Variants in TMEM217 observed in about 807,000 individuals in gnomAD.
TMEM217 encodes transmembrane protein 217.
For missense variants in TMEM217, 204 were observed against 248.8 expected (o/e 0.82, Z 1.21); for synonymous variants, 76 against 88.3 (o/e 0.86, Z 0.78).
At chr6:37,225,196 A>C (rs923646458) in intron 1 of TMEM217, among the ~76,000 whole-genome samples, 19 of 152,114 alleles carry the variant, frequency 1.2e-4, no homozygotes, top group African/African-American at 4.3e-4. Flanking sequence ...CGAGACTCTG[A>C]CTAAAAAAAA....
At chr6:37,247,952 G>T (rs568539854) in intron 1 of TMEM217, among the ~76,000 whole-genome samples, 2 of 152,302 alleles carry the variant, frequency 1.3e-5, no homozygotes, top group East Asian at 3.9e-4. Context: ...GAGGATGAGG[G>T]ATGTGGGTGA....
At chr6:37,249,064 C>A (rs181074899) in intron 1 of TMEM217, among the ~76,000 whole-genome samples, 2 of 152,168 alleles carry the variant, frequency 1.3e-5, no homozygotes, top group African/African-American at 4.8e-5. Context: ...TAAAACAACA[C>A]TTGTCATTGG....
chr6:37,217,144 A>G (rs2113806361), downstream of TMEM217, among the ~76,000 whole-genome samples: 1 of 152,292 alleles, frequency 6.6e-6, no homozygotes, highest in East Asian at 1.9e-4. Flanking sequence ...AAATACAAAA[A>G]TTAGCCAGGC....
chr6:37,235,951 G>A (rs1562015277), intron 1 of TMEM217, among the ~76,000 whole-genome samples: 1 of 152,052 alleles, frequency 6.6e-6, no homozygotes, highest in East Asian at 1.9e-4. Context: ...TTTTGGAGGG[G>A]TCAAACACAT....
intron 1 of TMEM217, among the ~76,000 whole-genome samples, chr6:37,257,023 A>G (rs1369877287): frequency 6.6e-6 from 1 of 152,250 alleles, no homozygotes; most frequent in Non-Finnish European, 1.5e-5. Context: ...TGGGGCCGGG[A>G]GGAGATACAT....
At chr6:37,250,814 T>G (rs1765359572) in intron 1 of TMEM217, among the ~76,000 whole-genome samples, 4 of 152,276 alleles carry the variant, frequency 2.6e-5, no homozygotes, top group Admixed American at 2.6e-4. Context: ...TTCTGTCTAT[T>G]CTATTTCATT....
chr6:37,232,363 ATAG>A (rs1487639275), intron 1 of TMEM217, among the ~76,000 whole-genome samples: 1 of 152,082 alleles, frequency 6.6e-6, no homozygotes, highest in African/African-American at 2.4e-5. Context: ...GCCCTATGCA[ATAG>A]TTTTTTCTGT....
At chr6:37,215,570 C>CAAAAAAAAA (rs34808595), downstream of TMEM217, among the ~76,000 whole-genome samples, 242 of 72,364 alleles carry the variant, frequency 3.3e-3, 11 homozygotes, top group African/African-American at 0.011. Flanking sequence ...GACTCTGTCT[C>CAAAAAAAAA]AAAAAAAAAA....
At chr6:37,229,349 T>G (rs1276427408) in intron 1 of TMEM217, among the ~76,000 whole-genome samples, 1 of 134,844 alleles carries the variant, frequency 7.4e-6, no homozygotes, top group East Asian at 2.2e-4. Context: ...TTTTTTTTTT[T>G]TTTTTTTTTT....
chr6:37,215,643 G>A (rs1763165373), downstream of TMEM217, among the ~76,000 whole-genome samples: 1 of 149,888 alleles, frequency 6.7e-6, no homozygotes, highest in African/African-American at 2.5e-5. Flanking sequence ...TGATAAATGT[G>A]ATAGAGGAAG....
chr6:37,216,623 G>A (rs1023559440), downstream of TMEM217, among the ~76,000 whole-genome samples: 3 of 152,178 alleles, frequency 2.0e-5, no homozygotes, highest in African/African-American at 7.2e-5. Context: ...GGAGAGCCCT[G>A]AGGATGGGAG....
chr6:37,218,649 G>A (rs781650544), exon 2 of TMEM217: 12 of 1,613,990 alleles, frequency 7.4e-6, no homozygotes, highest in Non-Finnish European at 9.3e-6. Flanking sequence ...CCAAACCAGC[G>A]CATGATTCTG....
downstream of TMEM217, among the ~76,000 whole-genome samples, chr6:37,216,609 G>A (rs1368662410): frequency 2.6e-5 from 4 of 152,174 alleles, no homozygotes; most frequent in Admixed American, 6.5e-5. Context: ...GGAGCACAGA[G>A]GCAGGAGAGC....
intron 1 of TMEM217, among the ~76,000 whole-genome samples, chr6:37,234,211 TG>T (rs1764363314): frequency 6.6e-6 from 1 of 151,874 alleles, no homozygotes. Flanking sequence ...ATGATTCTCC[TG>T]CCTCAGCCTC....
chr6:37,214,506 C>A (rs1763080523), downstream of TMEM217, among the ~76,000 whole-genome samples: 1 of 152,136 alleles, frequency 6.6e-6, no homozygotes, highest in Non-Finnish European at 1.5e-5. Flanking sequence ...GGATTACAGG[C>A]ATGAGCCACC....
At chr6:37,218,042 C>A (rs1763310875) in exon 2 of TMEM217, 2 of 998,330 alleles carry the variant, frequency 2.0e-6, no homozygotes, top group Non-Finnish European at 2.4e-6. Context: ...TCTCTACTTG[C>A]AGAACTGCTA....
At chr6:37,223,480 C>G (rs146049987) in intron 1 of TMEM217, among the ~76,000 whole-genome samples, 1 of 152,172 alleles carries the variant, frequency 6.6e-6, no homozygotes. Flanking sequence ...ATAGAAACCC[C>G]TGCCAACCTA....
intron 1 of TMEM217, among the ~76,000 whole-genome samples, chr6:37,246,972 C>G (rs936457827): frequency 2.0e-5 from 3 of 151,828 alleles, no homozygotes; most frequent in African/African-American, 7.3e-5. Context: ...ACCTATCAGG[C>G]ATGGTTAGGA....
chr6:37,239,743 G>A (rs1285831485), intron 1 of TMEM217, among the ~76,000 whole-genome samples: 1 of 151,916 alleles, frequency 6.6e-6, no homozygotes, highest in African/African-American at 2.4e-5. Flanking sequence ...CTGGGTTAGG[G>A]AGGAAAATAA....
Sources: gnomAD v4.1 joint callset for allele counts (sites outside exome capture counted in the v4.1 genomes callset) on GRCh38, gnomAD v4.1.1 for gene constraint, MANE v1.5 for transcripts, NCBI Gene and HGNC (gene_info 2026-07-23, HGNC 2026-07-21) for gene names.